The following KAZN variants were observed in gnomAD, a reference collection of about 807,000 sequenced individuals.
The protein encoded by KAZN is kazrin, periplakin interacting protein.
Under a neutral mutation model 87.4 loss-of-function variants are expected in KAZN, and 40 were observed. The ratio of observed to expected loss-of-function variants is 0.46; its 90% CI spans 0.36 to 0.60. The LOEUF (loss-of-function observed/expected upper bound fraction) is 0.60, where lower values mean the gene tolerates loss of function less well. KAZN is among the 20% of genes least tolerant of loss of function. The probability of loss-of-function intolerance (pLI) is 0.00; values close to 1 mark genes in which losing one functional copy is unlikely to be tolerated. For missense variants in KAZN, 898 were observed against 1,073.9 expected (o/e 0.84, Z 2.29); for synonymous variants, 466 against 458.3 (o/e 1.02, Z -0.22).
At chr1:14,272,257 T>C (rs1652004397) in intron 2 of KAZN, among the ~76,000 whole-genome samples, 1 of 152,180 alleles carries the variant, frequency 6.6e-6, no homozygotes, top group Non-Finnish European at 1.5e-5. Context: ...GTCTCTCACC[T>C]TCTCCTGGGA....
chr1:14,119,156 A>T (rs1417376576), intron 1 of KAZN, among the ~76,000 whole-genome samples: 2 of 152,150 alleles, frequency 1.3e-5, no homozygotes, highest in Non-Finnish European at 2.9e-5. Flanking sequence ...ACCCCTTTTT[A>T]AAAAAATCTT....
intron 1 of KAZN, among the ~76,000 whole-genome samples, chr1:14,612,573 A>T (rs750877282): frequency 6.6e-6 from 1 of 152,146 alleles, no homozygotes; most frequent in Non-Finnish European, 1.5e-5. Context: ...CAGCTTCCTC[A>T]TCTGGAACAT....
intron 1 of KAZN, among the ~76,000 whole-genome samples, chr1:14,648,589 C>T (rs562940673): frequency 6.6e-6 from 1 of 152,204 alleles, no homozygotes; most frequent in African/African-American, 2.4e-5. Context: ...CTGGGCTTGA[C>T]GTTTCTCCTT....
intron 2 of KAZN, among the ~76,000 whole-genome samples, chr1:14,252,056 T>G (rs1470170141): frequency 6.6e-6 from 1 of 152,152 alleles, no homozygotes; most frequent in African/African-American, 2.4e-5. Context: ...GGAGCCCAGA[T>G]TCAACAGATG....
intron 1 of KAZN, among the ~76,000 whole-genome samples, chr1:14,830,690 T>G (rs1647027448): frequency 1.3e-5 from 2 of 152,006 alleles, no homozygotes; most frequent in Admixed American, 6.6e-5. Flanking sequence ...GCTACACACT[T>G]TTAAACAACC....
intron 2 of KAZN, among the ~76,000 whole-genome samples, chr1:14,238,032 C>G (rs1203132496): frequency 6.6e-6 from 1 of 152,144 alleles, no homozygotes; most frequent in Non-Finnish European, 1.5e-5. Context: ...TTTTCAATGA[C>G]ATTTTTTAAC....
chr1:14,957,767 G>C (rs906915387), intron 1 of KAZN, among the ~76,000 whole-genome samples: 8 of 152,228 alleles, frequency 5.3e-5, no homozygotes, highest in Non-Finnish European at 1.0e-4. Context: ...GAGAGAAGCT[G>C]GCATCCTGAA....
rs1390420181 is a variant in KAZN, at chr1:15,114,487, T to C, written c.2180T>C (p.Ile727Thr). Residue 727 changes from isoleucine to threonine, a missense_variant, in exon 15 of 15, where the codon ATA (isoleucine) becomes ACA (threonine). Transcript: ENST00000376030. Reference sequence around the variant, plus strand: ...TCTTCTCAGCTGCCCCTGGGGAAGATAGGAAGGGGCTTCAGCAGCAAAGAT... The same window carrying C: ...TCTTCTCAGCTGCCCCTGGGGAAGACAGGAAGGGGCTTCAGCAGCAAAGAT... ...YKAGRLPLGK[I>T]GRGFSSKDPD... 6.2e-6 allele frequency: 10 copies of C among 1,611,336 alleles called. No individual in the cohort carries two copies. Among genetic ancestry groups the C allele is most frequent in the East Asian group, 2.2e-5 (1 of 44,852 alleles).
chr1:14,734,241 G>A lies in KAZN; in HGVS notation c.226+135018G>A, dbSNP rs540338771. Among the ~76,000 whole-genome samples the A allele has an allele frequency of 2.5e-3, 383 of 152,134 alleles. 1 individual carries two copies. Among genetic ancestry groups the A allele is most frequent in the African/African-American group, 8.6e-3 (357 of 41,512 alleles). ...CCTGAAGCACTCCGGGATCTGGATA[G>A]ACTGCAGATTAGGACTCAGCAGGTC... On this transcript the variant is annotated intron_variant, in intron 1 of 14. Transcript: ENST00000376030.
intron 2 of KAZN, among the ~76,000 whole-genome samples, chr1:14,429,725 C>A (rs1160787106): frequency 1.3e-5 from 2 of 152,126 alleles, no homozygotes; most frequent in Non-Finnish European, 2.9e-5. Flanking sequence ...GTAATACTCA[C>A]CCCAGTGACC....
chr1:14,350,090 C>T (rs1211052237), intron 2 of KAZN, among the ~76,000 whole-genome samples: 2 of 148,506 alleles, frequency 1.3e-5, no homozygotes, highest in East Asian at 2.0e-4. Flanking sequence ...GCTGAGATCG[C>T]GCCACTGCAC....
In KAZN at chr1:15,027,375, C is replaced by T. The variant is rs536915742; in HGVS notation, c.419-7374C>T. 1.4e-4 allele frequency among the ~76,000 whole-genome samples: 21 copies of T among 151,110 alleles called. 2 individuals are homozygous for T. Among genetic ancestry groups the T allele is most frequent in the African/African-American group, 4.4e-4 (18 of 41,172 alleles). On this transcript the variant is annotated intron_variant, in intron 2 of 14. Transcript: ENST00000376030. The stretch of plus-strand genomic sequence containing the variant: ...GATGACAGGCGTGAGCCACCGCTCC[C>T]GGCCCCAAGCCAGTGCTTCTAACTC...
chr1:14,034,484 G>A (rs569390663), intron 1 of KAZN, among the ~76,000 whole-genome samples: 1 of 152,278 alleles, frequency 6.6e-6, no homozygotes, highest in East Asian at 1.9e-4. Context: ...TTAACAAATG[G>A]CATAATTCAA....
At chr1:14,557,607 C>A in intron 2 of KAZN, among the ~76,000 whole-genome samples, 1 of 147,620 alleles carries the variant, frequency 6.8e-6, no homozygotes. Flanking sequence ...TCCAGAGAAA[C>A]AAAACCAATA....
chr1:14,287,421 T>C (rs1051272002), intron 2 of KAZN, among the ~76,000 whole-genome samples: 1 of 152,168 alleles, frequency 6.6e-6, no homozygotes, highest in Admixed American at 6.5e-5. Flanking sequence ...GATTCCTAGG[T>C]ATTTTATTCT....
intron 2 of KAZN, among the ~76,000 whole-genome samples, chr1:14,278,213 G>A (rs1481154105): frequency 2.7e-5 from 4 of 146,980 alleles, no homozygotes; most frequent in Non-Finnish European, 6.0e-5. Context: ...GAAATTCTCA[G>A]AGATTCATGT....
At chr1:14,539,685 T>C (rs1223125899) in intron 2 of KAZN, among the ~76,000 whole-genome samples, 1 of 151,998 alleles carries the variant, frequency 6.6e-6, no homozygotes, top group South Asian at 2.1e-4. Flanking sequence ...GTGTATCCAA[T>C]GTGAAATGAA....
chr1:13,981,111 G>GTATATATATATATT, intron 1 of KAZN, among the ~76,000 whole-genome samples: 1 of 25,786 alleles, frequency 3.9e-5, no homozygotes. Flanking sequence ...ATATATATAT[G>GTATATATATATATT]TATATATAAA....
At chr1:14,387,009 C>T (rs1298659448) in intron 2 of KAZN, among the ~76,000 whole-genome samples, 7 of 152,102 alleles carry the variant, frequency 4.6e-5, no homozygotes, top group African/African-American at 9.7e-5. Flanking sequence ...AGGCTTTGCT[C>T]GTTTCTTTTT....
Sources: gnomAD v4.1 joint callset for allele counts (sites outside exome capture counted in the v4.1 genomes callset) on GRCh38, gnomAD v4.1.1 for gene constraint, MANE v1.5 for transcripts, NCBI Gene and HGNC (gene_info 2026-07-23, HGNC 2026-07-21) for gene names.